Variants in FRMPD4 observed in about 807,000 individuals in gnomAD.
The protein encoded by FRMPD4 is FERM and PDZ domain-containing protein 4.
Under a neutral mutation model 94.1 loss-of-function variants are expected in FRMPD4, and 22 were observed. The observed-to-expected ratio is 0.23, with a 90% CI of 0.17 to 0.33. The LOEUF (loss-of-function observed/expected upper bound fraction) is 0.33, where lower values mean the gene tolerates loss of function less well. Among genes scored for constraint, FRMPD4 ranks in the 10% least tolerant of loss-of-function variants. The probability of loss-of-function intolerance (pLI) is 1.00; values close to 1 mark genes in which losing one functional copy is unlikely to be tolerated. For missense variants in FRMPD4, 1,111 were observed against 1,339.9 expected, an observed-to-expected ratio of 0.83 and a Z score of 2.67; for synonymous variants, 631 against 548.6, an observed-to-expected ratio of 1.15 and a Z score of -2.10.
intron 2 of FRMPD4, among the ~76,000 whole-genome samples, chrX:12,581,142 A>C (rs1186585676): frequency 8.9e-6 from 1 of 112,663 alleles, no homozygotes; most frequent in Non-Finnish European, 1.9e-5. Flanking sequence ...ATTTTAGCTA[A>C]TGCCTAAAAG....
intron 1 of FRMPD4, 75 bp downstream of exon 1, chrX:12,139,087 C>G: frequency 1.1e-6 from 1 of 900,411 alleles, no homozygotes; most frequent in Non-Finnish European, 1.5e-6. Flanking sequence ...TTTCGGGAGG[C>G]TGGGTAGAGG....
intron 2 of FRMPD4, among the ~76,000 whole-genome samples, chrX:12,590,812 G>T (rs1344000040): frequency 1.8e-5 from 2 of 111,643 alleles, no homozygotes; most frequent in Non-Finnish European, 3.8e-5. Flanking sequence ...CTCCAATTTA[G>T]GTATGTTTCA....
At chrX:12,179,846 GT>G (rs1243841423) in intron 1 of FRMPD4, among the ~76,000 whole-genome samples, 1 of 106,562 alleles carries the variant, frequency 9.4e-6, no homozygotes, top group East Asian at 3.0e-4. Flanking sequence ...TTGTGTTCTA[GT>G]TTGCATGCTA....
chrX:12,395,355 T>C (rs1884268061), intron 1 of FRMPD4, among the ~76,000 whole-genome samples: 1 of 112,105 alleles, frequency 8.9e-6, no homozygotes, highest in Non-Finnish European at 1.9e-5. Flanking sequence ...CCTTACATGT[T>C]TTTTGTTTTT....
At chrX:12,453,223 C>T (rs776500636) in intron 1 of FRMPD4, among the ~76,000 whole-genome samples, 7 of 111,009 alleles carry the variant, frequency 6.3e-5, no homozygotes, top group Non-Finnish European at 1.1e-4. Flanking sequence ...GAGAGAATTA[C>T]GCCTCAGCAA....
chrX:12,347,494 C>T (rs1202737144), intron 1 of FRMPD4, among the ~76,000 whole-genome samples: 3 of 111,304 alleles, frequency 2.7e-5, no homozygotes, highest in Non-Finnish European at 5.7e-5. Flanking sequence ...CCTTGGCCCC[C>T]CAAAGGTCTG....
chrX:11,859,722 C>T (rs1400154180), intron 1 of FRMPD4, among the ~76,000 whole-genome samples: 2 of 111,834 alleles, frequency 1.8e-5, no homozygotes, highest in Non-Finnish European at 3.8e-5. Flanking sequence ...CATCCTGCTT[C>T]TGTTTTTTGT....
chrX:11,861,659 G>A (rs902418826), intron 1 of FRMPD4, among the ~76,000 whole-genome samples: 3 of 111,316 alleles, frequency 2.7e-5, no homozygotes, highest in Admixed American at 9.6e-5. Context: ...AACAACTAAA[G>A]CAAAAGAAAG....
intron 8 of FRMPD4, among the ~76,000 whole-genome samples, chrX:12,692,075 AC>A (rs1257701444): frequency 8.9e-6 from 1 of 111,990 alleles, no homozygotes; most frequent in Non-Finnish European, 1.9e-5. Context: ...TTCTCTCTAA[AC>A]TTTTATCTAC....
intron 1 of FRMPD4, among the ~76,000 whole-genome samples, chrX:12,161,686 G>A (rs1214858653): frequency 5.4e-5 from 6 of 111,721 alleles, no homozygotes; most frequent in East Asian, 5.6e-4. Context: ...AGAAATTAAC[G>A]CCACTAGGAT....
At chrX:11,883,242 T>C (rs1161476756) in intron 3 of FRMPD4, among the ~76,000 whole-genome samples, 2 of 111,683 alleles carry the variant, frequency 1.8e-5, no homozygotes, top group African/African-American at 3.3e-5. Context: ...CAAATATAAA[T>C]TGGGGATCAT....
At chrX:12,315,529 C>A (rs992938033) in intron 1 of FRMPD4, among the ~76,000 whole-genome samples, 3 of 111,223 alleles carry the variant, frequency 2.7e-5, no homozygotes, top group African/African-American at 9.8e-5. Context: ...TGGGAAAGCC[C>A]CCTGGTGATG....
chrX:12,327,058 T>C (rs2055300626), intron 1 of FRMPD4, among the ~76,000 whole-genome samples: 1 of 111,955 alleles, frequency 8.9e-6, no homozygotes, highest in Non-Finnish European at 1.9e-5. Flanking sequence ...CCATCAGCTC[T>C]TCATCATCCC....
chrX:12,390,533 T>A (rs752754841), intron 1 of FRMPD4, among the ~76,000 whole-genome samples: 9 of 110,023 alleles, frequency 8.2e-5, no homozygotes, highest in African/African-American at 2.7e-4. Context: ...TGTGAGTCAT[T>A]TTCTCCATCA....
chrX:11,874,587 G>A (rs1464344319), intron 2 of FRMPD4, among the ~76,000 whole-genome samples: 33 of 112,268 alleles, frequency 2.9e-4, no homozygotes, highest in Admixed American at 2.7e-3. Flanking sequence ...GGGCATCCTC[G>A]AATTTTGGTG....
At chrX:12,616,629 A>G (rs2059238812) in intron 4 of FRMPD4, among the ~76,000 whole-genome samples, 1 of 112,317 alleles carries the variant, frequency 8.9e-6, no homozygotes, top group Non-Finnish European at 1.9e-5. Flanking sequence ...CAATCTTTCT[A>G]TGGACAAGGG....
At chrX:12,481,478 C>A (rs1014717086) in intron 1 of FRMPD4, among the ~76,000 whole-genome samples, 1 of 111,064 alleles carries the variant, frequency 9.0e-6, no homozygotes, top group Non-Finnish European at 1.9e-5. Flanking sequence ...TTGAACAACT[C>A]AGGGGTTAGG....
intron 11 of FRMPD4, among the ~76,000 whole-genome samples, chrX:12,706,086 CT>C (rs375437435): frequency 0.032 from 3,233 of 102,600 alleles, 105 homozygotes; most frequent in African/African-American, 0.099. Context: ...AAACATGGAC[CT>C]TTTTTTTTTT....
intron 3 of FRMPD4, among the ~76,000 whole-genome samples, chrX:12,073,940 G>C (rs2054991284): frequency 9.0e-6 from 1 of 111,373 alleles, no homozygotes; most frequent in Non-Finnish European, 1.9e-5. Context: ...AGACTTAGTG[G>C]AGAATATTCC....
Sources: allele counts gnomAD v4.1 joint callset (sites outside exome capture counted in the v4.1 genomes callset), GRCh38; gene constraint gnomAD v4.1.1; transcripts MANE v1.5; gene names NCBI Gene and HGNC (gene_info 2026-07-23, HGNC 2026-07-21).